The following MIPOL1 variants were observed in gnomAD, a reference collection of about 807,000 sequenced individuals.
MIPOL1 encodes mirror-image polydactyly gene 1 protein.
MIPOL1 carries 57 observed loss-of-function variants against 60.9 expected under a neutral mutation model. The observed-to-expected ratio is 0.94, with a 90% CI of 0.76 to 1.17. The LOEUF (loss-of-function observed/expected upper bound fraction) is 1.17, where lower values mean the gene tolerates loss of function less well. Among genes scored for constraint, MIPOL1 ranks in the 50% most tolerant of loss-of-function variants. MIPOL1 has a pLI of 0.00. For missense variants in MIPOL1, 551 were observed against 511.6 expected (o/e 1.08, Z -0.74); for synonymous variants, 179 against 168.8 (o/e 1.06, Z -0.47).
chr14:37,455,924 A>G (rs530918534), intron 11 of MIPOL1, among the ~76,000 whole-genome samples: 79 of 152,194 alleles, frequency 5.2e-4, no homozygotes, highest in African/African-American at 1.7e-3. Context: ...TAGTAAGTCT[A>G]TGTTTACCAA....
At chr14:37,281,675 G>A (rs915336641) in intron 6 of MIPOL1, among the ~76,000 whole-genome samples, 2 of 152,162 alleles carry the variant, frequency 1.3e-5, no homozygotes, top group African/African-American at 2.4e-5. Context: ...AAAGGGCTGG[G>A]ATTACAGGCA....
At chr14:37,297,982 C>T (rs564973808) in intron 7 of MIPOL1, among the ~76,000 whole-genome samples, 77 of 152,072 alleles carry the variant, frequency 5.1e-4, no homozygotes, top group Admixed American at 4.8e-3. Flanking sequence ...AAAAAGAGCC[C>T]GCATCGCCAA....
chr14:37,238,541 T>C (rs1429186001), intron 1 of MIPOL1, among the ~76,000 whole-genome samples: 1 of 152,222 alleles, frequency 6.6e-6, no homozygotes, highest in Non-Finnish European at 1.5e-5. Context: ...GAGAAGATTT[T>C]CTTAACTAAT....
chr14:37,257,984 G>A (rs975201574), intron 3 of MIPOL1, among the ~76,000 whole-genome samples: 3 of 152,040 alleles, frequency 2.0e-5, no homozygotes, highest in Non-Finnish European at 4.4e-5. Context: ...AATTGGCTTG[G>A]CTAAGCTGCA....
chr14:37,537,282 A>G (rs935913125), intron 12 of MIPOL1, among the ~76,000 whole-genome samples: 4 of 152,158 alleles, frequency 2.6e-5, no homozygotes, highest in African/African-American at 9.6e-5. Context: ...TAAACTTTCA[A>G]TGCCACCTTA....
chr14:37,507,973 C>T lies in MIPOL1; in HGVS notation c.1262+7835C>T, dbSNP rs2095294448. Among the ~76,000 whole-genome samples, 3 of 151,992 alleles carry T rather than the reference C, an allele frequency of 2.0e-5. No homozygotes were observed. In the South Asian group the frequency reaches 6.2e-4, roughly 32 times the overall value. ...CTAGATGAAGTATTATCGGGTTTTC[C>T]TTTTCATATTTGATCCACTGTATTT... On this transcript the variant is annotated intron_variant, in intron 12 of 12. Coordinates refer to ENST00000684589, the MANE Select transcript of MIPOL1 (RefSeq NM_001388067.1).
intron 12 of MIPOL1, chr14:37,545,582 C>G: frequency 3.7e-6 from 2 of 539,794 alleles, no homozygotes; most frequent in Non-Finnish European, 6.6e-6. Flanking sequence ...CCTTTTTACT[C>G]TAAGATCATT....
intron 6 of MIPOL1, among the ~76,000 whole-genome samples, chr14:37,271,891 C>G (rs1341385541): frequency 6.6e-6 from 1 of 151,504 alleles, no homozygotes; most frequent in Non-Finnish European, 1.5e-5. Context: ...ATTAATGTGT[C>G]TGCCCAGCCC....
intron 3 of MIPOL1, among the ~76,000 whole-genome samples, chr14:37,263,223 T>G (rs951578488): frequency 2.0e-5 from 3 of 152,136 alleles, no homozygotes; most frequent in Non-Finnish European, 2.9e-5. Context: ...TTAACAATAC[T>G]GACACCTCCA....
chr14:37,529,074 T>C (rs1322322694), intron 12 of MIPOL1, among the ~76,000 whole-genome samples: 1 of 152,232 alleles, frequency 6.6e-6, no homozygotes, highest in Non-Finnish European at 1.5e-5. Context: ...AATAACTCTT[T>C]CAACTTGCTT....
chr14:37,259,819 T>C (rs559737437), intron 3 of MIPOL1, among the ~76,000 whole-genome samples: 14 of 152,294 alleles, frequency 9.2e-5, no homozygotes, highest in African/African-American at 3.1e-4. Context: ...TTAAAAATTG[T>C]ATAAGCAATT....
chr14:37,207,824 G>A (rs1406155037), intron 1 of MIPOL1, among the ~76,000 whole-genome samples: 1 of 152,162 alleles, frequency 6.6e-6, no homozygotes, highest in East Asian at 1.9e-4. Context: ...GGGATTACAG[G>A]TGTGAGCCAC....
At chr14:37,343,992 TC>T (rs1412354357) in intron 9 of MIPOL1, among the ~76,000 whole-genome samples, 1 of 152,182 alleles carries the variant, frequency 6.6e-6, no homozygotes, top group Non-Finnish European at 1.5e-5. Flanking sequence ...ATTCATTTAC[TC>T]CTATTATTTT....
chr14:37,403,804 C>G (rs912619057), intron 10 of MIPOL1, among the ~76,000 whole-genome samples: 4 of 152,148 alleles, frequency 2.6e-5, no homozygotes, highest in African/African-American at 9.7e-5. Flanking sequence ...GCTGGAAGAA[C>G]AAGCTGCTTG....
chr14:37,256,900 A>G (rs1975029986), intron 3 of MIPOL1, among the ~76,000 whole-genome samples: 2 of 151,848 alleles, frequency 1.3e-5, no homozygotes, highest in African/African-American at 4.8e-5. Flanking sequence ...TACTTTTCTG[A>G]GGCTTTATTT....
At chr14:37,308,578 A>C (rs2086993509) in intron 9 of MIPOL1, 59 bp downstream of exon 9, 1 of 1,291,902 alleles carries the variant, frequency 7.7e-7, no homozygotes, top group African/African-American at 1.5e-5. Flanking sequence ...TATTTTTTTA[A>C]CCATTAAAAA....
chr14:37,314,206 A>AT lies in MIPOL1; in HGVS notation c.828+5695dup, dbSNP rs368911164. On this transcript the variant is annotated intron_variant, in intron 9 of 12. Transcript: ENST00000684589. ...ACCTTTTGTGATAATTTAGTGGCTTATTTTTTTTATCAAATATTGTAATGA... is the reference window on the plus strand; with the variant it reads ...ACCTTTTGTGATAATTTAGTGGCTTATTTTTTTTTATCAAATATTGTAATGA... Among the ~76,000 whole-genome samples, 285 of 152,076 alleles carry AT rather than the reference A, an allele frequency of 1.9e-3. 1 individual carries two copies. The highest frequency in any genetic ancestry group is 5.5e-3 in the African/African-American group (228 of 41,524).
chr14:37,500,172 C>G (rs771541064), intron 12 of MIPOL1, 34 bp downstream of exon 12: 29 of 1,355,840 alleles, frequency 2.1e-5, no homozygotes, highest in South Asian at 6.4e-5. Context: ...ATACTTCAAA[C>G]ACATGAAACA....
At chr14:37,374,815 G>T (rs1480735880) in intron 10 of MIPOL1, among the ~76,000 whole-genome samples, 2 of 152,190 alleles carry the variant, frequency 1.3e-5, no homozygotes, top group South Asian at 4.2e-4. Flanking sequence ...GTCAGTTATC[G>T]TGATGCATCC....
Sources: allele counts gnomAD v4.1 joint callset (sites outside exome capture counted in the v4.1 genomes callset), GRCh38; gene constraint gnomAD v4.1.1; transcripts MANE v1.5; gene names NCBI Gene and HGNC (gene_info 2026-07-23, HGNC 2026-07-21).